SNRK: variants seen among roughly 807,000 people sequenced by gnomAD.
The protein encoded by SNRK is SNF-related serine/threonine-protein kinase.
Under a neutral mutation model 48.2 loss-of-function variants are expected in SNRK, and 3 were observed. The ratio of observed to expected loss-of-function variants is 0.06; its 90% CI spans 0.03 to 0.16. SNRK has a LOEUF of 0.16. Ranked by LOEUF, SNRK falls within the 10% of genes least tolerant of loss-of-function variation. The pLI is 1.00. For synonymous variants in SNRK, 376 were observed against 366.1 expected, an observed-to-expected ratio of 1.03 and a Z score of -0.31; for missense variants, 627 against 976.0, an observed-to-expected ratio of 0.64 and a Z score of 4.76.
intron 1 of SNRK, among the ~76,000 whole-genome samples, chr3:43,291,892 T>C (rs2090815137): frequency 1.3e-5 from 2 of 152,260 alleles, no homozygotes; most frequent in South Asian, 4.1e-4. Context: ...AGGCAACTCT[T>C]AACTGGGTGT....
At chr3:43,321,615 G>GTCA (rs1388799832) in intron 3 of SNRK, among the ~76,000 whole-genome samples, 20 of 152,170 alleles carry the variant, frequency 1.3e-4, no homozygotes, top group African/African-American at 4.6e-4. Context: ...CAGCTGATAG[G>GTCA]TAACAGGGAC....
At chr3:43,293,709 G>A (rs1471406912) in intron 1 of SNRK, among the ~76,000 whole-genome samples, 1 of 151,986 alleles carries the variant, frequency 6.6e-6, no homozygotes, top group Non-Finnish European at 1.5e-5. Flanking sequence ...GAGGTCAGGA[G>A]GTCAAGACCA....
chr3:43,297,649 A>AT (rs2090867053), intron 1 of SNRK, among the ~76,000 whole-genome samples: 1 of 151,818 alleles, frequency 6.6e-6, no homozygotes, highest in South Asian at 2.1e-4. Context: ...AATTAAACAG[A>AT]TTTTTCTTTC....
intron 4 of SNRK, among the ~76,000 whole-genome samples, chr3:43,337,349 C>T (rs147762937): frequency 1.2e-3 from 188 of 152,292 alleles, no homozygotes; most frequent in African/African-American, 4.3e-3. Context: ...GCTAGGATTA[C>T]AGGCATGAAC....
At chr3:43,322,470 A>G (rs1323184233) in intron 3 of SNRK, among the ~76,000 whole-genome samples, 1 of 152,228 alleles carries the variant, frequency 6.6e-6, no homozygotes, top group Non-Finnish European at 1.5e-5. Flanking sequence ...CAATATTTGT[A>G]ATATAGGAAA....
chr3:43,293,267 G>A (rs2090827367), intron 1 of SNRK, among the ~76,000 whole-genome samples: 1 of 152,012 alleles, frequency 6.6e-6, no homozygotes, highest in African/African-American at 2.4e-5. Flanking sequence ...CCACCACGTT[G>A]GGCTGCATAC....
At chr3:43,312,588 GATATACAT>G (rs2090986450) in intron 3 of SNRK, among the ~76,000 whole-genome samples, 1 of 152,028 alleles carries the variant, frequency 6.6e-6, no homozygotes, top group South Asian at 2.1e-4. Context: ...ACAAGGCAAG[GATATACAT>G]ATATCACTTT....
intron 4 of SNRK, among the ~76,000 whole-genome samples, chr3:43,339,860 T>TACAC (rs2091221230): frequency 1.0e-5 from 1 of 97,660 alleles, no homozygotes; most frequent in Non-Finnish European, 2.3e-5. Flanking sequence ...TATATATATA[T>TACAC]ATATATATAT....
rs531908931 is a variant in SNRK, at chr3:43,349,615, A to C, written c.*1058A>C. 27 of 152,244 alleles carry C rather than the reference A, an allele frequency of 1.8e-4. No individual in the cohort carries two copies. The highest frequency in any genetic ancestry group is 6.5e-4 in the African/African-American group (27 of 41,460). 9.4% of individuals were successfully genotyped at this position (152,244 alleles called of 1,614,324 possible). A position where few individuals can be genotyped will look rare whatever the true frequency, so the allele number is the denominator to read the frequency against. On this transcript the variant is annotated 3_prime_UTR_variant, in exon 7 of 7. Coordinates refer to ENST00000296088, the MANE Select transcript of SNRK (RefSeq NM_017719.5). ...ATATACATAAAAGGGTAAAATTCAC[A>C]CATACAGCAAACAAAAATGCACAAA...
At chr3:43,344,288 GCTTA>G (rs1272368957) in intron 6 of SNRK, among the ~76,000 whole-genome samples, 102 of 152,016 alleles carry the variant, frequency 6.7e-4, no homozygotes, top group South Asian at 4.1e-4. Flanking sequence ...CATGGAAAGG[GCTTA>G]CTTTTTTCAT....
intron 1 of SNRK, among the ~76,000 whole-genome samples, chr3:43,292,133 G>A (rs1035703711): frequency 5.9e-5 from 9 of 152,252 alleles, no homozygotes; most frequent in East Asian, 3.9e-4. Context: ...TTAGAAATAA[G>A]ACAAAAATCC....
intron 6 of SNRK, 39 bp downstream of exon 6, chr3:43,343,517 G>T: frequency 6.3e-7 from 1 of 1,576,146 alleles, no homozygotes; most frequent in Admixed American, 1.9e-5. Context: ...TAAGTTTAAC[G>T]TTTTGAAATA....
intron 1 of SNRK, among the ~76,000 whole-genome samples, chr3:43,290,038 T>C (rs2090798597): frequency 1.3e-5 from 2 of 152,212 alleles, no homozygotes; most frequent in Admixed American, 6.5e-5. Flanking sequence ...ACAAAAATGC[T>C]CCAGGAACCT....
Position 43,350,111 on chromosome 3 carries a change from C to G in SNRK, c.*1554C>G, listed in dbSNP as rs1042220129. 2 of 152,592 alleles carry G rather than the reference C, an allele frequency of 1.3e-5. No individual in the cohort carries two copies. Among genetic ancestry groups the G allele is most frequent in the Non-Finnish European group, 2.9e-5 (2 of 68,042 alleles). 9.5% of individuals were successfully genotyped at this position (152,592 alleles called of 1,614,324 possible). On this transcript the variant is annotated 3_prime_UTR_variant, in exon 7 of 7. Transcript: ENST00000296088. ...AACTCTGAATTTCACAGTATACTTACTAAACTAAGTAAAAATGATACTTAA... is the reference window on the plus strand; with the variant it reads ...AACTCTGAATTTCACAGTATACTTAGTAAACTAAGTAAAAATGATACTTAA...
At chr3:43,340,532 A>G (rs1359503036) in intron 5 of SNRK, 33 bp downstream of exon 5, 1 of 1,582,728 alleles carries the variant, frequency 6.3e-7, no homozygotes, top group Admixed American at 1.7e-5. Flanking sequence ...AGAGGGCCAC[A>G]GGTTTAGGAT....
intron 3 of SNRK, among the ~76,000 whole-genome samples, chr3:43,317,754 A>G (rs2091024278): frequency 6.6e-6 from 1 of 151,998 alleles, no homozygotes; most frequent in Admixed American, 6.6e-5. Flanking sequence ...TTTCTTGCCC[A>G]CATGTCACCC....
intron 4 of SNRK, 179 bp downstream of exon 4, chr3:43,332,489 G>T: frequency 2.6e-6 from 1 of 381,760 alleles, no homozygotes; most frequent in Admixed American, 4.5e-5. Flanking sequence ...GGCGGGGGTG[G>T]GGGTGGTTAG....
At chr3:43,296,967 T>C (rs1482610600) in intron 1 of SNRK, among the ~76,000 whole-genome samples, 1 of 152,232 alleles carries the variant, frequency 6.6e-6, no homozygotes, top group African/African-American at 2.4e-5. Flanking sequence ...TACTTGTTTC[T>C]CAGACATAAG....
intron 5 of SNRK, among the ~76,000 whole-genome samples, chr3:43,341,848 T>C (rs1246395049): frequency 6.6e-6 from 1 of 152,234 alleles, no homozygotes; most frequent in African/African-American, 2.4e-5. Context: ...TGTTTTACAT[T>C]ACTGGAAAGA....
Sources: gnomAD v4.1 joint callset for allele counts (sites outside exome capture counted in the v4.1 genomes callset) on GRCh38, gnomAD v4.1.1 for gene constraint, MANE v1.5 for transcripts, NCBI Gene and HGNC (gene_info 2026-07-23, HGNC 2026-07-21) for gene names.